DNAH14: variants seen among roughly 807,000 people sequenced by gnomAD.
The protein encoded by DNAH14 is axonemal beta dynein heavy chain 14.
A neutral mutation model predicts 520.9 loss-of-function variants in DNAH14; 478 were observed. That is an observed-to-expected ratio of 0.92 (90% CI 0.85 to 0.99). The LOEUF (loss-of-function observed/expected upper bound fraction) is 0.99. Among genes scored for constraint, DNAH14 ranks in the 50% least tolerant of loss-of-function variants. DNAH14 has a pLI of 0.00. For missense variants in DNAH14, 4,831 were observed against 5,234.5 expected, an observed-to-expected ratio of 0.92 and a Z score of 2.38; for synonymous variants, 1,581 against 1,757.2, an observed-to-expected ratio of 0.90 and a Z score of 2.51.
chr1:225,269,789 G>T (rs1031806048), intron 49 of DNAH14, among the ~76,000 whole-genome samples: 6 of 152,170 alleles, frequency 3.9e-5, no homozygotes, highest in Non-Finnish European at 8.8e-5. Context: ...TCTCACACCA[G>T]TTAGAATGGC....
chr1:225,013,094 G>A lies in DNAH14; in HGVS notation c.1107+5550G>A, dbSNP rs566150704. On this transcript the variant is annotated intron_variant, in intron 10 of 85. Transcript: ENST00000682510. ...GGTGCGCTGGATTTTCCTCATCTTC[G>A]TGGATTTATCTACCTTTGGTCTTTG... Among the ~76,000 whole-genome samples the A allele has an allele frequency of 8.5e-5, 13 of 152,210 alleles. No individual in the cohort carries two copies. The South Asian group carries it at 1.9e-3, about 22-fold the overall frequency.
chr1:225,246,105 CAA>C (rs140007042), intron 43 of DNAH14, among the ~76,000 whole-genome samples: 5 of 77,706 alleles, frequency 6.4e-5, no homozygotes, highest in South Asian at 4.3e-4. Flanking sequence ...ACAAACCTGG[CAA>C]AAAAAAAAAA....
intron 84 of DNAH14, 130 bp from the exon 85 acceptor site, chr1:225,398,389 CT>C: frequency 8.7e-7 from 1 of 1,153,286 alleles, no homozygotes; most frequent in Non-Finnish European, 1.2e-6. Flanking sequence ...AAGTATTCAC[CT>C]TAGAACTTGG....
intron 75 of DNAH14, among the ~76,000 whole-genome samples, chr1:225,363,933 T>G (rs1053159936): frequency 1.3e-5 from 2 of 152,204 alleles, no homozygotes; most frequent in Non-Finnish European, 2.9e-5. Context: ...TTCTGAAATT[T>G]TTTTTCCTGA....
At chr1:225,393,814 GTTT>G (rs1354333069) in intron 84 of DNAH14, among the ~76,000 whole-genome samples, 1 of 143,120 alleles carries the variant, frequency 7.0e-6, no homozygotes, top group African/African-American at 2.7e-5. Context: ...ATCTTTTTTT[GTTT>G]TTTTTTTGTT....
At chr1:225,261,990 T>C (rs1231494913) in intron 46 of DNAH14, among the ~76,000 whole-genome samples, 1 of 152,074 alleles carries the variant, frequency 6.6e-6, no homozygotes, top group Non-Finnish European at 1.5e-5. Context: ...TAACCAAATT[T>C]TAAGTCGATT....
At chr1:225,197,299 T>C (rs752234951) in intron 38 of DNAH14, among the ~76,000 whole-genome samples, 11 of 152,332 alleles carry the variant, frequency 7.2e-5, no homozygotes, top group South Asian at 6.2e-4. Context: ...GAGTAGGGTG[T>C]CCTTTCCCCA....
chr1:225,204,384 C>A, intron 39 of DNAH14, 111 bp downstream of exon 39: 2 of 622,474 alleles, frequency 3.2e-6, no homozygotes, highest in Non-Finnish European at 2.6e-6. Flanking sequence ...ATATTTTGTT[C>A]CTGTACCATT....
At chr1:224,952,968 G>A in intron 2 of DNAH14, 189 bp downstream of exon 2, 1 of 396,258 alleles carries the variant, frequency 2.5e-6, no homozygotes, top group African/African-American at 2.1e-5. Flanking sequence ...ATTAACCCTG[G>A]TTGTTGGCTC....
intron 23 of DNAH14, among the ~76,000 whole-genome samples, chr1:225,109,266 CTGAT>C (rs1190654697): frequency 1.3e-5 from 2 of 152,050 alleles, no homozygotes; most frequent in African/African-American, 4.8e-5. Flanking sequence ...CATTGGTACT[CTGAT>C]AGGGACTGCA....
chr1:225,135,856 A>G (rs554304562), intron 27 of DNAH14, among the ~76,000 whole-genome samples: 2 of 133,386 alleles, frequency 1.5e-5, no homozygotes, highest in East Asian at 1.9e-4. Flanking sequence ...TTGGGTGCAT[A>G]TATATTTAGG....
chr1:225,275,617 G>A (rs2093446991), intron 52 of DNAH14, among the ~76,000 whole-genome samples: 1 of 152,144 alleles, frequency 6.6e-6, no homozygotes, highest in Admixed American at 6.5e-5. Flanking sequence ...CTTAACCTGG[G>A]ATCCACAGAC....
rs1297834121 is a variant in DNAH14, at chr1:225,300,878, T to C, written c.8479T>C (p.Leu2827=). ...PNLNIEQDSF[L]EDLNYIISSG... Reference sequence around the variant, plus strand: ...ATGTGTTTTGCCTAAGGACTCATTTTTAGAAGATTTGAACTACATCATCAG... The same window carrying C: ...ATGTGTTTTGCCTAAGGACTCATTTCTAGAAGATTTGAACTACATCATCAG... Residue 2827 remains leucine, a synonymous_variant, in exon 56 of 86, where the codon TTA becomes CTA. Coordinates refer to ENST00000682510, the MANE Select transcript of DNAH14 (RefSeq NM_001367479.1). The C allele has an allele frequency of 1.9e-6, 3 of 1,551,004 alleles. No individual in the cohort carries two copies. The highest frequency in any genetic ancestry group is 2.6e-6 in the Non-Finnish European group (3 of 1,146,806).
At chr1:224,956,563 A>C (rs985583045) in intron 3 of DNAH14, among the ~76,000 whole-genome samples, 1 of 151,910 alleles carries the variant, frequency 6.6e-6, no homozygotes, top group Non-Finnish European at 1.5e-5. Context: ...GTGTAAGTGC[A>C]CTCTTAGATG....
At chr1:225,382,378 A>G (rs1202743576) in intron 81 of DNAH14, among the ~76,000 whole-genome samples, 2 of 152,148 alleles carry the variant, frequency 1.3e-5, no homozygotes, top group East Asian at 3.9e-4. Flanking sequence ...TGACCCAGCA[A>G]TTTCACTCCT....
At chr1:225,306,770 G>A (rs1476134936) in intron 58 of DNAH14, among the ~76,000 whole-genome samples, 1 of 151,834 alleles carries the variant, frequency 6.6e-6, no homozygotes, top group Non-Finnish European at 1.5e-5. Context: ...ACAATCTTAA[G>A]AGCTATCACC....
chr1:225,126,247 C>T (rs2077705604), intron 27 of DNAH14, among the ~76,000 whole-genome samples: 1 of 152,084 alleles, frequency 6.6e-6, no homozygotes, highest in Admixed American at 6.6e-5. Context: ...TAGACTTGCT[C>T]AATGCAGGGT....
At chr1:224,987,775 C>A (rs747324155) in intron 8 of DNAH14, among the ~76,000 whole-genome samples, 9 of 152,040 alleles carry the variant, frequency 5.9e-5, no homozygotes, top group Admixed American at 5.9e-4. Flanking sequence ...TACAGGCGCC[C>A]GCCACCATGC....
At position 225,045,123 on chromosome 1, in the gene DNAH14, C is replaced by T. The variant is rs547902527; in HGVS notation, c.1912+1140C>T. 2.0e-5 allele frequency among the ~76,000 whole-genome samples: 3 copies of T among 152,192 alleles called. No homozygotes were observed. In the East Asian group the frequency reaches 5.8e-4, roughly 29 times the overall value. On this transcript the variant is annotated intron_variant, in intron 15 of 85. Coordinates refer to ENST00000682510, the MANE Select transcript of DNAH14 (RefSeq NM_001367479.1). ...TTTCTTAAAATCCAGTGAGGCTCTT[C>T]AGTCTGAAGAACTAAGTTCTTACCA...
Sources: gnomAD v4.1 joint callset for allele counts (sites outside exome capture counted in the v4.1 genomes callset) on GRCh38, gnomAD v4.1.1 for gene constraint, MANE v1.5 for transcripts, NCBI Gene and HGNC (gene_info 2026-07-23, HGNC 2026-07-21) for gene names.